MECOM: variants seen among roughly 807,000 people sequenced by gnomAD.
The protein encoded by MECOM is histone-lysine N-methyltransferase MECOM.
In MECOM, 13 loss-of-function variants were observed where a neutral mutation model predicts 116.3. The observed-to-expected ratio is 0.11, with a 90% CI of 0.07 to 0.18. The LOEUF is 0.18. Among genes scored for constraint, MECOM ranks in the 10% least tolerant of loss-of-function variants. The pLI is 1.00. For missense variants in MECOM, 1,299 were observed against 1,509.0 expected (o/e 0.86, Z 2.31); for synonymous variants, 528 against 535.2 (o/e 0.99, Z 0.19).
intron 1 of MECOM, among the ~76,000 whole-genome samples, chr3:169,398,221 C>T (rs1350177908): frequency 6.6e-6 from 1 of 152,142 alleles, no homozygotes. Flanking sequence ...CAAGATTATT[C>T]TGCTGCAAAC....
chr3:169,441,676 T>C (rs1743694543), intron 1 of MECOM, among the ~76,000 whole-genome samples: 1 of 151,856 alleles, frequency 6.6e-6, no homozygotes, highest in South Asian at 2.1e-4. Flanking sequence ...CAGATGGGAA[T>C]ATCAGAAATA....
intron 1 of MECOM, among the ~76,000 whole-genome samples, chr3:169,488,630 C>T (rs921704506): frequency 1.3e-5 from 2 of 151,850 alleles, no homozygotes; most frequent in South Asian, 2.1e-4. Context: ...CATATTTAAC[C>T]ACAAAGAAAG....
At chr3:169,301,967 G>A (rs1716795473) in intron 2 of MECOM, among the ~76,000 whole-genome samples, 1 of 152,284 alleles carries the variant, frequency 6.6e-6, no homozygotes, top group African/African-American at 2.4e-5. Context: ...ATGATGTTTA[G>A]AAGACTGTAC....
chr3:169,436,215 A>C (rs939812108), intron 1 of MECOM, among the ~76,000 whole-genome samples: 9 of 146,702 alleles, frequency 6.1e-5, no homozygotes, highest in African/African-American at 2.2e-4. Context: ...TCTATGACGC[A>C]AAAAAAAAAG....
At chr3:169,662,417 C>T (rs1776406061) in intron 1 of MECOM, among the ~76,000 whole-genome samples, 1 of 152,228 alleles carries the variant, frequency 6.6e-6, no homozygotes, top group Non-Finnish European at 1.5e-5. Flanking sequence ...CTGCCTCCTG[C>T]TCCTAGGCTG....
In MECOM at chr3:169,378,443, A is replaced by G. The variant is rs866256575; in HGVS notation, c.375+2744T>C. Among the ~76,000 whole-genome samples the G allele has an allele frequency of 3.3e-3, 266 of 81,278 alleles. 5 individuals are homozygous for G. The highest frequency in any genetic ancestry group is 0.02 in the African/African-American group (245 of 12,330). 53.3% of individuals were successfully genotyped at this position (81,278 alleles called of 152,430 possible). ...AAAGAAAGAAAGAAAGAAAGAAAGAAAGAAAGAAGGAAAGCAAGCAAGCAA... is the reference window on the plus strand; with the variant it reads ...AAAGAAAGAAAGAAAGAAAGAAAGAGAGAAAGAAGGAAAGCAAGCAAGCAA... On this transcript the variant is annotated intron_variant, in intron 2 of 16. Transcript: ENST00000651503.
At chr3:169,087,463 G>A (rs895287471) in intron 16 of MECOM, among the ~76,000 whole-genome samples, 2 of 151,866 alleles carry the variant, frequency 1.3e-5, no homozygotes, top group South Asian at 2.1e-4. Flanking sequence ...CTGGCATAGT[G>A]GTGAGTGTCA....
At chr3:169,172,625 A>T (rs1448949776) in intron 2 of MECOM, among the ~76,000 whole-genome samples, 1 of 152,198 alleles carries the variant, frequency 6.6e-6, no homozygotes, top group African/African-American at 2.4e-5. Flanking sequence ...GAAGATTTTG[A>T]ATGATAATGA....
At chr3:169,149,672 G>A (rs1214964501) in intron 2 of MECOM, 1 of 497,714 alleles carries the variant, frequency 2.0e-6, no homozygotes, top group Admixed American at 2.1e-5. Context: ...CAGCCTGAGA[G>A]AAGGCTATTC....
At chr3:169,180,771 T>C (rs1184871112) in intron 2 of MECOM, among the ~76,000 whole-genome samples, 1 of 109,792 alleles carries the variant, frequency 9.1e-6, no homozygotes, top group Non-Finnish European at 2.0e-5. Context: ...ATTCTCTTTA[T>C]GTATGTGTGT....
intron 1 of MECOM, among the ~76,000 whole-genome samples, chr3:169,584,434 G>A (rs1043357239): frequency 1.3e-4 from 20 of 151,560 alleles, no homozygotes; most frequent in South Asian, 6.3e-4. Flanking sequence ...GCGTGGTGGC[G>A]AGCGCCTGTA....
intron 2 of MECOM, among the ~76,000 whole-genome samples, chr3:169,206,336 T>C (rs1397861606): frequency 6.6e-6 from 1 of 152,218 alleles, no homozygotes; most frequent in Non-Finnish European, 1.5e-5. Context: ...GTGACTCTTC[T>C]GAGATCTAAT....
intron 2 of MECOM, among the ~76,000 whole-genome samples, chr3:169,239,152 T>C (rs73172036): frequency 0.042 from 6,392 of 152,212 alleles, 201 homozygotes; most frequent in Middle Eastern, 0.088. Context: ...TCAAGCAAAG[T>C]TGAGTAAATT....
chr3:169,644,423 AT>A (rs1773896930), intron 1 of MECOM, among the ~76,000 whole-genome samples: 1 of 151,904 alleles, frequency 6.6e-6, no homozygotes, highest in East Asian at 1.9e-4. Context: ...CGCCTGGCTA[AT>A]TTTTGTATTT....
intron 1 of MECOM, among the ~76,000 whole-genome samples, chr3:169,596,119 C>G (rs1767102109): frequency 6.6e-6 from 1 of 152,164 alleles, no homozygotes; most frequent in Non-Finnish European, 1.5e-5. Flanking sequence ...ACAACTTCTC[C>G]ATTTTCTCAA....
chr3:169,461,127 G>A (rs984948879), intron 1 of MECOM, among the ~76,000 whole-genome samples: 43 of 152,004 alleles, frequency 2.8e-4, no homozygotes, highest in African/African-American at 1.0e-3. Flanking sequence ...AGGGTGTATT[G>A]ATATTGGACA....
intron 1 of MECOM, among the ~76,000 whole-genome samples, chr3:169,545,986 A>G (rs895110167): frequency 1.3e-5 from 2 of 152,182 alleles, no homozygotes; most frequent in Non-Finnish European, 2.9e-5. Context: ...AGTTATATTC[A>G]AAAGTAAAGC....
At chr3:169,261,553 T>C (rs1175765750) in intron 2 of MECOM, among the ~76,000 whole-genome samples, 3 of 152,074 alleles carry the variant, frequency 2.0e-5, no homozygotes, top group East Asian at 1.9e-4. Context: ...ACAAAAAAAT[T>C]AGCTGGGCAT....
At chr3:169,331,958 C>T (rs1377800111) in intron 2 of MECOM, among the ~76,000 whole-genome samples, 1 of 143,974 alleles carries the variant, frequency 6.9e-6, no homozygotes, top group African/African-American at 2.6e-5. Context: ...TCACTGCATA[C>T]ATTTACATAG....
Sources: gnomAD v4.1 joint callset for allele counts (sites outside exome capture counted in the v4.1 genomes callset) on GRCh38, gnomAD v4.1.1 for gene constraint, MANE v1.5 for transcripts, NCBI Gene and HGNC (gene_info 2026-07-23, HGNC 2026-07-21) for gene names.